Variants in CD226 observed in about 807,000 individuals in gnomAD.
CD226 encodes CD226 molecule, also known as CD226 antigen.
Under a neutral mutation model 34.9 loss-of-function variants are expected in CD226, and 24 were observed. The observed-to-expected ratio is 0.69, with a 90% CI of 0.50 to 0.97. CD226 has a LOEUF of 0.97. Ranked by LOEUF, CD226 falls within the 50% of genes least tolerant of loss-of-function variation. CD226 has a pLI of 0.00. For missense variants in CD226, 397 were observed against 412.7 expected (o/e 0.96, Z 0.33); for synonymous variants, 148 against 147.4 (o/e 1.00, Z -0.03).
chr18:69,900,528 C>T lies in CD226; in HGVS notation c.383-4483G>A, dbSNP rs1014016081. 2.5e-3 allele frequency among the ~76,000 whole-genome samples: 386 copies of T among 151,402 alleles called. 3 individuals are homozygous for T. Among genetic ancestry groups the T allele is most frequent in the African/African-American group, 8.1e-3 (333 of 41,210 alleles). On this transcript the variant is annotated intron_variant, in intron 2 of 5. Transcript: ENST00000582621. Reference sequence around the variant, plus strand: ...CGGGCGGATCACGAGGTCAGGAGATCGAGACCATCCTGGCTAACAAGGTGA... The same window carrying T: ...CGGGCGGATCACGAGGTCAGGAGATTGAGACCATCCTGGCTAACAAGGTGA...
chr18:69,959,196 T>C (rs2055918211), upstream of CD226, among the ~76,000 whole-genome samples: 1 of 152,128 alleles, frequency 6.6e-6, no homozygotes. Context: ...AAAAATAACC[T>C]GAGACAAATT....
At chr18:69,957,071 T>C (rs2055904172), upstream of CD226, 1 of 152,168 alleles carries the variant, frequency 6.6e-6, no homozygotes, top group African/African-American at 2.4e-5. Flanking sequence ...GGAAGCAACT[T>C]TACTATTGCA....
intron 3 of CD226, among the ~76,000 whole-genome samples, chr18:69,873,487 A>G (rs1788100): frequency 0.55 from 84,016 of 151,428 alleles, 24,712 homozygotes; most frequent in African/African-American, 0.76. Flanking sequence ...ACATTACAAA[A>G]AAAAAAAATA....
intron 4 of CD226, among the ~76,000 whole-genome samples, chr18:69,870,751 G>T (rs1220124449): frequency 6.6e-6 from 1 of 152,166 alleles, no homozygotes. Flanking sequence ...ATTCAGTTTT[G>T]TTCAGGGACA....
At chr18:69,943,584 A>G (rs1454504701) in intron 2 of CD226, among the ~76,000 whole-genome samples, 6 of 152,200 alleles carry the variant, frequency 3.9e-5, no homozygotes, top group Non-Finnish European at 4.4e-5. Flanking sequence ...AAAGCTGGAG[A>G]GGGGTAGCAT....
At chr18:69,910,189 G>T (rs993743659) in intron 2 of CD226, among the ~76,000 whole-genome samples, 3 of 152,172 alleles carry the variant, frequency 2.0e-5, no homozygotes, top group Non-Finnish European at 2.9e-5. Flanking sequence ...AAAGAAGGAG[G>T]CAGCCCTGTG....
chr18:69,880,226 GAGAA>G (rs1984138121), intron 3 of CD226, among the ~76,000 whole-genome samples: 5 of 148,798 alleles, frequency 3.4e-5, no homozygotes, highest in Non-Finnish European at 5.9e-5. Context: ...AGGCAGGGAG[GAGAA>G]AGAAAGAGAA....
At chr18:69,948,651 T>G (rs143237051), upstream of CD226, among the ~76,000 whole-genome samples, 185 of 152,332 alleles carry the variant, frequency 1.2e-3, 1 homozygote, top group Non-Finnish European at 1.9e-3. Flanking sequence ...TATATGGCAT[T>G]ATATTTTCTA....
intron 4 of CD226, among the ~76,000 whole-genome samples, chr18:69,869,799 C>CTTTTTTTT (rs1002754140): frequency 6.6e-4 from 80 of 121,646 alleles, no homozygotes; most frequent in Non-Finnish European, 8.0e-4. Flanking sequence ...TCTTTTTTTT[C>CTTTTTTTT]TTTTTTTTTT....
At chr18:69,959,836 A>G (rs538903082), upstream of CD226, among the ~76,000 whole-genome samples, 1 of 152,170 alleles carries the variant, frequency 6.6e-6, no homozygotes, top group Non-Finnish European at 1.5e-5. Flanking sequence ...CAGGCATGAG[A>G]GGGACTCCCA....
intron 2 of CD226, among the ~76,000 whole-genome samples, chr18:69,914,919 C>T (rs2055367555): frequency 6.6e-6 from 1 of 152,154 alleles, no homozygotes; most frequent in South Asian, 2.1e-4. Context: ...AGAAATTCTA[C>T]TCTTGTTCAG....
intron 2 of CD226, among the ~76,000 whole-genome samples, chr18:69,901,236 C>T (rs1415030854): frequency 6.6e-6 from 1 of 152,088 alleles, no homozygotes; most frequent in African/African-American, 2.4e-5. Context: ...ATGTGTGGAA[C>T]TTAAAAAGGA....
intron 2 of CD226, among the ~76,000 whole-genome samples, chr18:69,906,857 T>C (rs908345530): frequency 1.3e-5 from 2 of 152,196 alleles, no homozygotes; most frequent in African/African-American, 4.8e-5. Flanking sequence ...AGTGAGCAGA[T>C]GCTGTCAGGC....
chr18:69,881,650 A>C (rs189242679), intron 3 of CD226, among the ~76,000 whole-genome samples: 1 of 152,356 alleles, frequency 6.6e-6, no homozygotes, highest in Admixed American at 6.5e-5. Flanking sequence ...AATGAGGGTT[A>C]ATCAGATAAC....
At chr18:69,879,258 G>T (rs1179710718) in intron 3 of CD226, among the ~76,000 whole-genome samples, 1 of 152,132 alleles carries the variant, frequency 6.6e-6, no homozygotes, top group East Asian at 1.9e-4. Flanking sequence ...GAATTCGCCA[G>T]GCTGGAATTT....
intron 2 of CD226, among the ~76,000 whole-genome samples, chr18:69,905,754 C>A (rs1379740835): frequency 6.6e-6 from 1 of 152,158 alleles, no homozygotes; most frequent in African/African-American, 2.4e-5. Flanking sequence ...GATAAGTCCT[C>A]CAAAGAACAA....
At chr18:69,940,872 C>A (rs1213872236) in intron 2 of CD226, among the ~76,000 whole-genome samples, 1 of 152,182 alleles carries the variant, frequency 6.6e-6, no homozygotes, top group Non-Finnish European at 1.5e-5. Context: ...ATGTCAGAGA[C>A]CTTCATGGCA....
chr18:69,881,355 C>T (rs1984250071), intron 3 of CD226, among the ~76,000 whole-genome samples: 1 of 152,140 alleles, frequency 6.6e-6, no homozygotes, highest in Non-Finnish European at 1.5e-5. Flanking sequence ...CAACCTTTGT[C>T]CCACTTTAGA....
At position 69,854,841 on chromosome 18, in the gene CD226, G is replaced by C. The variant is rs1397747346; in HGVS notation, c.*9473C>G. ...CACAGCTTAGTACTACACCAACAGG[G>C]CTCCAGTATAGTAACAGTGAATTGC... On this transcript the variant is annotated 3_prime_UTR_variant, in exon 6 of 6. Transcript: ENST00000582621. The C allele has an allele frequency of 6.6e-6, 1 of 152,198 alleles. No individual in the cohort carries two copies. The highest frequency in any genetic ancestry group is 2.4e-5 in the African/African-American group (1 of 41,434). The allele number at this position is 152,198 out of a possible 1,614,324, so 9.4% of individuals were successfully genotyped here.
Sources: allele counts gnomAD v4.1 joint callset (sites outside exome capture counted in the v4.1 genomes callset), GRCh38; gene constraint gnomAD v4.1.1; transcripts MANE v1.5; gene names NCBI Gene and HGNC (gene_info 2026-07-23, HGNC 2026-07-21).